FOXO3: variants seen among roughly 807,000 people sequenced by gnomAD.
The protein encoded by FOXO3 is forkhead box protein O3.
In FOXO3, 4 loss-of-function variants were observed where a neutral mutation model predicts 41.9. The observed-to-expected ratio is 0.10, with a 90% confidence interval of 0.05 to 0.22. The LOEUF is 0.22. Among genes scored for constraint, FOXO3 ranks in the 10% least tolerant of loss-of-function variants. The probability of loss-of-function intolerance (pLI) is 1.00; values close to 1 mark genes in which losing one functional copy is unlikely to be tolerated. For missense variants in FOXO3, 534 were observed against 906.8 expected (o/e 0.59, Z 5.28); for synonymous variants, 318 against 389.3 (o/e 0.82, Z 2.16).
At chr6:108,591,503 G>A (rs1261789256) in intron 1 of FOXO3, among the ~76,000 whole-genome samples, 2 of 152,110 alleles carry the variant, frequency 1.3e-5, no homozygotes, top group East Asian at 1.9e-4. Context: ...CTAAATCATC[G>A]GGAAAAAGCA....
intron 1 of FOXO3, among the ~76,000 whole-genome samples, chr6:108,608,872 C>T (rs1043368271): frequency 5.3e-5 from 8 of 152,232 alleles, no homozygotes; most frequent in South Asian, 4.1e-4. Context: ...GTCCAGAAAA[C>T]GGGCCCTAAA....
intron 2 of FOXO3, among the ~76,000 whole-genome samples, chr6:108,669,188 A>C (rs924679145): frequency 6.6e-6 from 1 of 152,248 alleles, no homozygotes; most frequent in Non-Finnish European, 1.5e-5. Flanking sequence ...GGTGAAGTCT[A>C]TGTTATGATA....
chr6:108,659,098 T>G (rs1389821049), intron 1 of FOXO3, among the ~76,000 whole-genome samples: 3 of 152,094 alleles, frequency 2.0e-5, no homozygotes, highest in Non-Finnish European at 2.9e-5. Context: ...TTGCCCAGGC[T>G]GGTCTTGAAC....
chr6:108,666,370 C>G (rs1308899224), intron 2 of FOXO3, among the ~76,000 whole-genome samples: 2 of 151,158 alleles, frequency 1.3e-5, no homozygotes, highest in African/African-American at 4.9e-5. Context: ...GAGTCTTGCT[C>G]TGTCTCCCAG....
intron 1 of FOXO3, among the ~76,000 whole-genome samples, chr6:108,641,810 A>G (rs1778266836): frequency 6.6e-6 from 1 of 152,118 alleles, no homozygotes; most frequent in Admixed American, 6.5e-5. Context: ...GAAAAAAAGT[A>G]CATTGTACAG....
intron 1 of FOXO3, among the ~76,000 whole-genome samples, chr6:108,614,821 A>G (rs2128370536): frequency 6.6e-6 from 1 of 150,678 alleles, no homozygotes; most frequent in Non-Finnish European, 1.5e-5. Context: ...TATTTGTCCC[A>G]TTTGTTCTTT....
upstream of FOXO3, chr6:108,560,717 T>A (rs900126962): frequency 4.7e-6 from 1 of 211,178 alleles, no homozygotes; most frequent in Admixed American, 6.0e-5. Context: ...GCTCGGGCTC[T>A]GACCGCGGCT....
At chr6:108,564,150 A>G (rs577429101) in intron 1 of FOXO3, among the ~76,000 whole-genome samples, 1 of 152,302 alleles carries the variant, frequency 6.6e-6, no homozygotes, top group East Asian at 1.9e-4. Flanking sequence ...GACTAAAGGG[A>G]TATAATTTTG....
intron 1 of FOXO3, among the ~76,000 whole-genome samples, chr6:108,620,933 A>G (rs1445313149): frequency 6.6e-6 from 1 of 152,172 alleles, no homozygotes; most frequent in African/African-American, 2.4e-5. Context: ...CACTTCTTAG[A>G]TGTTTCAATG....
intron 1 of FOXO3, among the ~76,000 whole-genome samples, chr6:108,636,176 G>A (rs765300752): frequency 6.6e-6 from 1 of 152,136 alleles, no homozygotes; most frequent in Non-Finnish European, 1.5e-5. Flanking sequence ...AAGACCTGGA[G>A]ATTGAAGTGA....
At chr6:108,591,099 T>G (rs1776721876) in intron 1 of FOXO3, among the ~76,000 whole-genome samples, 1 of 152,188 alleles carries the variant, frequency 6.6e-6, no homozygotes, top group South Asian at 2.1e-4. Flanking sequence ...AGTAAGGAGA[T>G]GGGGGCTCAG....
chr6:108,621,815 A>G (rs1289200127), intron 1 of FOXO3, among the ~76,000 whole-genome samples: 1 of 152,180 alleles, frequency 6.6e-6, no homozygotes, highest in Non-Finnish European at 1.5e-5. Flanking sequence ...GGTAGTGCCT[A>G]GTGACAGGGA....
intron 1 of FOXO3, among the ~76,000 whole-genome samples, chr6:108,640,690 G>C (rs577409357): frequency 1.3e-5 from 2 of 152,136 alleles, no homozygotes; most frequent in Non-Finnish European, 2.9e-5. Flanking sequence ...TTAATAGATA[G>C]AAAATTTGGG....
chr6:108,612,691 TA>T lies in FOXO3; in HGVS notation c.622-50754del, dbSNP rs1011671533. ...GCGAAACTCTGTCTCAAAAAAAAAA[TA>T]AAAAAAAAATTTTTTTTCTTCCTTT... On this transcript the variant is annotated intron_variant, in intron 1 of 2. Transcript: ENST00000406360. 4.1e-4 allele frequency among the ~76,000 whole-genome samples: 62 copies of T among 150,522 alleles called. No individual in the cohort carries two copies. The East Asian group carries it at 0.011, about 26-fold the overall frequency.
rs1036683681 is a variant in FOXO3 at position 108,664,051 on chromosome 6, A to T, written c.1218A>T (p.Gly406=). Residue 406 remains glycine (G), a synonymous_variant, in exon 2 of 3, where the codon GGA becomes GGT. Transcript: ENST00000406360. Reference sequence around the variant, plus strand: ...CATCCCAGCCATCGCCCACTGGGGGACTCATGCAGCGGAGCTCTAGCTTCC... The same window carrying T: ...CATCCCAGCCATCGCCCACTGGGGGTCTCATGCAGCGGAGCTCTAGCTTCC... ...LPPSQPSPTG[G]LMQRSSSFPY... is the part of the protein sequence containing the mutation. The T allele has an allele frequency of 6.8e-6, 11 of 1,613,928 alleles. No homozygotes were observed. Among genetic ancestry groups the T allele is most frequent in the Non-Finnish European group, 9.3e-6 (11 of 1,179,976 alleles).
chr6:108,639,365 A>G (rs2128378695), intron 1 of FOXO3, among the ~76,000 whole-genome samples: 1 of 152,268 alleles, frequency 6.6e-6, no homozygotes, highest in South Asian at 2.1e-4. Flanking sequence ...GAAAGCTTTT[A>G]TTTCCAGGTA....
chr6:108,566,965 C>G (rs1222024076), intron 1 of FOXO3, among the ~76,000 whole-genome samples: 1 of 152,234 alleles, frequency 6.6e-6, no homozygotes, highest in Non-Finnish European at 1.5e-5. Flanking sequence ...AAATGTTTAT[C>G]AAAGGCATGC....
intron 1 of FOXO3, among the ~76,000 whole-genome samples, chr6:108,653,750 A>G (rs113280049): frequency 0.021 from 3,193 of 152,308 alleles, 113 homozygotes; most frequent in African/African-American, 0.071. Context: ...TTCCACACAC[A>G]GTAAGTTTTC....
intron 1 of FOXO3, among the ~76,000 whole-genome samples, chr6:108,654,737 CTTTT>C (rs61275551): frequency 7.3e-6 from 1 of 137,032 alleles, no homozygotes; most frequent in Non-Finnish European, 1.6e-5. Context: ...AGAGCATCGT[CTTTT>C]TTTTTTTTTT....
Sources: gnomAD v4.1 joint callset for allele counts (sites outside exome capture counted in the v4.1 genomes callset) on GRCh38, gnomAD v4.1.1 for gene constraint, MANE v1.5 for transcripts, NCBI Gene and HGNC (gene_info 2026-07-23, HGNC 2026-07-21) for gene names.